Variants in NRXN3 observed in about 807,000 individuals in gnomAD.
NRXN3 encodes the protein neurexin III.
Under a neutral mutation model 137.6 loss-of-function variants are expected in NRXN3, and 32 were observed. That is an observed-to-expected ratio of 0.23 (90% CI 0.18 to 0.31). The LOEUF is 0.31. Ranked by LOEUF, NRXN3 falls within the 10% of genes least tolerant of loss-of-function variation. The probability of loss-of-function intolerance (pLI) is 1.00; values close to 1 mark genes in which losing one functional copy is unlikely to be tolerated. For missense variants in NRXN3, 1,574 were observed against 2,062.5 expected (o/e 0.76, Z 4.59); for synonymous variants, 798 against 784.5 (o/e 1.02, Z -0.29).
intron 15 of NRXN3, among the ~76,000 whole-genome samples, chr14:79,252,714 A>G (rs1318839135): frequency 6.6e-6 from 1 of 152,208 alleles, no homozygotes; most frequent in East Asian, 1.9e-4. Flanking sequence ...AGACCTTTCC[A>G]AAGTGATGAC....
intron 15 of NRXN3, among the ~76,000 whole-genome samples, chr14:79,030,400 G>A (rs1288328793): frequency 6.6e-6 from 1 of 151,926 alleles, no homozygotes; most frequent in Admixed American, 6.6e-5. Flanking sequence ...CAGCAGCCGA[G>A]CATCCTGCTG....
intron 10 of NRXN3, among the ~76,000 whole-genome samples, chr14:78,863,933 A>G (rs181926555): frequency 2.0e-5 from 3 of 152,300 alleles, no homozygotes; most frequent in African/African-American, 4.8e-5. Context: ...AGGTTCAAAG[A>G]CAATTTTACA....
intron 10 of NRXN3, among the ~76,000 whole-genome samples, chr14:78,948,128 G>C (rs567138825): frequency 9.2e-5 from 14 of 152,284 alleles, no homozygotes; most frequent in African/African-American, 3.1e-4. Context: ...TTTCTGGAGT[G>C]GTCCCCAAAA....
intron 4 of NRXN3, chr14:78,614,832 T>G (rs1327085082): frequency 2.6e-6 from 1 of 383,198 alleles, no homozygotes; most frequent in Non-Finnish European, 5.2e-6. Flanking sequence ...ACAACTCTTG[T>G]GGGCCCTTAT....
At chr14:78,301,264 G>T (rs575309581) in intron 4 of NRXN3, among the ~76,000 whole-genome samples, 2 of 152,184 alleles carry the variant, frequency 1.3e-5, no homozygotes, top group South Asian at 4.2e-4. Flanking sequence ...GAACTGGGAG[G>T]GTGTGAAAGA....
At chr14:79,632,829 GA>G (rs2098369110) in intron 16 of NRXN3, among the ~76,000 whole-genome samples, 1 of 152,054 alleles carries the variant, frequency 6.6e-6, no homozygotes, top group African/African-American at 2.4e-5. Flanking sequence ...TAAGTTGCAC[GA>G]CCTGGATCAA....
At chr14:78,303,896 G>A (rs1325741397) in intron 4 of NRXN3, among the ~76,000 whole-genome samples, 2 of 152,098 alleles carry the variant, frequency 1.3e-5, no homozygotes, top group East Asian at 3.9e-4. Flanking sequence ...AAAGGACCAA[G>A]ACTTGTGTCT....
chr14:79,789,028 G>C (rs2099137651), intron 19 of NRXN3, among the ~76,000 whole-genome samples: 1 of 152,174 alleles, frequency 6.6e-6, no homozygotes, highest in African/African-American at 2.4e-5. Flanking sequence ...CATTTATAGG[G>C]ACAAATGGTA....
At chr14:78,232,656 C>T (rs2065603268) in intron 1 of NRXN3, among the ~76,000 whole-genome samples, 2 of 152,216 alleles carry the variant, frequency 1.3e-5, no homozygotes, top group South Asian at 4.1e-4. Flanking sequence ...TTCTCTCTCC[C>T]CCAGCCCTCC....
intron 15 of NRXN3, among the ~76,000 whole-genome samples, chr14:79,155,071 AC>A (rs1276150658): frequency 6.6e-6 from 1 of 151,846 alleles, no homozygotes; most frequent in Non-Finnish European, 1.5e-5. Flanking sequence ...CAACTACTGG[AC>A]TTTTTCCTCC....
At chr14:79,216,725 CT>C (rs2068564672) in intron 15 of NRXN3, among the ~76,000 whole-genome samples, 1 of 152,142 alleles carries the variant, frequency 6.6e-6, no homozygotes, top group Non-Finnish European at 1.5e-5. Flanking sequence ...ATCAATATTA[CT>C]TTTTTCATTT....
intron 15 of NRXN3, among the ~76,000 whole-genome samples, chr14:79,353,011 G>T (rs929939310): frequency 6.6e-6 from 1 of 152,098 alleles, no homozygotes; most frequent in Non-Finnish European, 1.5e-5. Context: ...TAAAAGGATT[G>T]TTGTAAAGGT....
At chr14:79,818,288 C>T (rs2099259016) in intron 20 of NRXN3, among the ~76,000 whole-genome samples, 1 of 151,916 alleles carries the variant, frequency 6.6e-6, no homozygotes, top group Non-Finnish European at 1.5e-5. Flanking sequence ...CTCCTGACCT[C>T]GTGATCCGCC....
intron 15 of NRXN3, among the ~76,000 whole-genome samples, chr14:79,277,855 T>A (rs910159684): frequency 2.0e-5 from 3 of 152,210 alleles, no homozygotes; most frequent in African/African-American, 7.2e-5. Context: ...TTAGGGTGAC[T>A]GTGTGCATCA....
chr14:78,172,213 C>T (rs571936555), intron 1 of NRXN3, among the ~76,000 whole-genome samples: 42 of 152,274 alleles, frequency 2.8e-4, no homozygotes, highest in Admixed American at 4.6e-4. Flanking sequence ...GAAATTTGAA[C>T]TCCCAGCACG....
At chr14:78,400,070 T>C (rs1293912152) in intron 4 of NRXN3, among the ~76,000 whole-genome samples, 1 of 152,222 alleles carries the variant, frequency 6.6e-6, no homozygotes, top group Non-Finnish European at 1.5e-5. Context: ...CTTTCAGTAT[T>C]TGCAGAGAAA....
intron 4 of NRXN3, among the ~76,000 whole-genome samples, chr14:78,394,078 G>A (rs1012095150): frequency 5.3e-5 from 8 of 151,876 alleles, no homozygotes; most frequent in African/African-American, 1.7e-4. Context: ...TTCCAGAGCC[G>A]TATGTATTTT....
At chr14:78,542,954 G>A (rs1040970725) in intron 4 of NRXN3, among the ~76,000 whole-genome samples, 1 of 152,122 alleles carries the variant, frequency 6.6e-6, no homozygotes, top group African/African-American at 2.4e-5. Context: ...GAGACAGGGT[G>A]GGTAGGAGAG....
chr14:78,221,403 G>A lies in NRXN3; in HGVS notation c.-703-20988G>A, dbSNP rs79496204. 9.2e-5 allele frequency among the ~76,000 whole-genome samples: 14 copies of A among 152,254 alleles called. No homozygotes were observed. In the East Asian group the frequency reaches 1.2e-3, roughly 13 times the overall value. On this transcript the variant is annotated intron_variant, in intron 1 of 20. Transcript: ENST00000335750. ...GAAAAAGGGTACAGGTTACTGGAGC[G>A]GAGGCACAAAGGCCATGAAGCCAGG... is the stretch of plus-strand genomic sequence containing the variant.
Sources: allele counts gnomAD v4.1 joint callset (sites outside exome capture counted in the v4.1 genomes callset), GRCh38; gene constraint gnomAD v4.1.1; transcripts MANE v1.5; gene names NCBI Gene and HGNC (gene_info 2026-07-23, HGNC 2026-07-21).